The following ITGA6 variants were observed in gnomAD, a reference collection of about 807,000 sequenced individuals.
The protein encoded by ITGA6 is integrin subunit alpha 6.
In ITGA6, 63 loss-of-function variants were observed where a neutral mutation model predicts 133.6. That is an observed-to-expected ratio of 0.47 (90% confidence interval 0.38 to 0.58). ITGA6 has a LOEUF of 0.58. Ranked by LOEUF, ITGA6 falls within the 20% of genes least tolerant of loss-of-function variation. ITGA6 has a pLI of 0.00. For missense variants in ITGA6, 1,068 were observed against 1,309.4 expected, an observed-to-expected ratio of 0.82 and a Z score of 2.85; for synonymous variants, 434 against 482.0, an observed-to-expected ratio of 0.90 and a Z score of 1.30.
chr2:172,480,664 G>A (rs1686402848), intron 11 of ITGA6, among the ~76,000 whole-genome samples: 1 of 152,158 alleles, frequency 6.6e-6, no homozygotes, highest in South Asian at 2.1e-4. Context: ...TTGCTTTCCT[G>A]TCCGTTCAGA....
chr2:172,470,047 CATG>C (rs1425859549), intron 4 of ITGA6, among the ~76,000 whole-genome samples: 10 of 152,136 alleles, frequency 6.6e-5, no homozygotes, highest in Non-Finnish European at 1.3e-4. Context: ...AACTCTCATC[CATG>C]ATGAAGAGAA....
At chr2:172,446,670 CG>C (rs766972165) in intron 1 of ITGA6, among the ~76,000 whole-genome samples, 7 of 152,238 alleles carry the variant, frequency 4.6e-5, no homozygotes, top group Admixed American at 1.3e-4. Context: ...ACTGATAAGT[CG>C]GGTATCTGGT....
intron 6 of ITGA6, 87 bp downstream of exon 6, chr2:172,474,352 G>A: frequency 2.6e-6 from 3 of 1,141,822 alleles, no homozygotes; most frequent in Middle Eastern, 2.7e-4. Context: ...GTCCTTTCAG[G>A]TTCATTGACG....
intron 7 of ITGA6, 65 bp downstream of exon 7, chr2:172,475,187 G>T (rs144532513): frequency 8.9e-7 from 1 of 1,122,836 alleles, no homozygotes; most frequent in African/African-American, 1.5e-5. Flanking sequence ...TAATAGCGCT[G>T]CTGGGCACAG....
At position 172,505,232 on chromosome 2, in the gene ITGA6, A is replaced by G. The variant is rs1286104001; in HGVS notation, c.*1164A>G. On this transcript the variant is annotated 3_prime_UTR_variant, in exon 26 of 26. Transcript: ENST00000684293. ...AGCCTGCATAATGTTTCTGGATTTCATACTGTAACATTCAGGAATTCTTGG... is the reference window on the plus strand; with the variant it reads ...AGCCTGCATAATGTTTCTGGATTTCGTACTGTAACATTCAGGAATTCTTGG... The G allele has an allele frequency of 6.6e-6, 1 of 152,432 alleles. No individual in the cohort carries two copies. The highest frequency in any genetic ancestry group is 6.5e-5 in the Admixed American group (1 of 15,292). 9.4% of individuals were successfully genotyped at this position (152,432 alleles called of 1,614,324 possible). A position where few individuals can be genotyped will look rare whatever the true frequency, so the allele number is the denominator to read the frequency against.
chr2:172,452,741 T>C (rs967608213), intron 1 of ITGA6, among the ~76,000 whole-genome samples: 7 of 152,240 alleles, frequency 4.6e-5, no homozygotes, highest in African/African-American at 1.7e-4. Context: ...AAAACCCATA[T>C]TAATGGACTC....
In ITGA6 at chr2:172,469,156, A is replaced by C. The variant is rs750929273; in HGVS notation, c.419A>C (p.His140Pro). The C allele has an allele frequency of 1.2e-6, 2 of 1,614,170 alleles. No homozygotes were observed. The highest frequency in any genetic ancestry group is 2.2e-5 in the South Asian group (2 of 91,078). ...TCAHRYEKRQ[H>P]VNTKQESRDI... ...GCTCACCGATATGAAAAAAGGCAGC[A>C]TGTTAATACGAAGCAGGAATCCCGA... is the stretch of plus-strand genomic sequence containing the variant. Residue 140 changes from histidine to proline, a missense_variant, in exon 4 of 26, where the codon CAT (histidine) becomes CCT (proline). Coordinates refer to ENST00000684293, the MANE Select transcript of ITGA6 (RefSeq NM_000210.4).
At chr2:172,482,449 T>A (rs982677009) in intron 11 of ITGA6, among the ~76,000 whole-genome samples, 1 of 152,168 alleles carries the variant, frequency 6.6e-6, no homozygotes, top group Non-Finnish European at 1.5e-5. Flanking sequence ...CATATAGATA[T>A]CTATAATTGA....
intron 11 of ITGA6, among the ~76,000 whole-genome samples, chr2:172,482,230 A>G (rs1335324780): frequency 6.6e-6 from 1 of 152,226 alleles, no homozygotes; most frequent in Non-Finnish European, 1.5e-5. Flanking sequence ...ATGGCCTTTT[A>G]TGGGTGGAAC....
intron 4 of ITGA6, among the ~76,000 whole-genome samples, chr2:172,470,440 A>T (rs1685869904): frequency 6.6e-6 from 1 of 152,132 alleles, no homozygotes; most frequent in Non-Finnish European, 1.5e-5. Flanking sequence ...TGCTTTATAA[A>T]CCTGACCTAA....
intron 1 of ITGA6, among the ~76,000 whole-genome samples, chr2:172,436,530 C>T (rs559594730): frequency 6.6e-6 from 1 of 152,272 alleles, no homozygotes; most frequent in South Asian, 2.1e-4. Flanking sequence ...GCAGCCATGC[C>T]AGAAGCCAGC....
intron 3 of ITGA6, among the ~76,000 whole-genome samples, chr2:172,468,352 T>A (rs1685772376): frequency 6.6e-6 from 1 of 152,196 alleles, no homozygotes. Context: ...GATCTTTTTG[T>A]CTCCTTCAAA....
intron 3 of ITGA6, among the ~76,000 whole-genome samples, chr2:172,468,737 C>A (rs1163688701): frequency 6.6e-6 from 1 of 152,146 alleles, no homozygotes. Context: ...ACATAATTAC[C>A]CACTTTCACA....
intron 5 of ITGA6, among the ~76,000 whole-genome samples, chr2:172,472,377 C>A (rs1685979182): frequency 6.6e-6 from 1 of 152,338 alleles, no homozygotes; most frequent in African/African-American, 2.4e-5. Flanking sequence ...TGTAATTGCA[C>A]TGGCCAAGAA....
At chr2:172,444,146 T>C (rs970357785) in intron 1 of ITGA6, among the ~76,000 whole-genome samples, 2 of 152,200 alleles carry the variant, frequency 1.3e-5, no homozygotes, top group East Asian at 3.9e-4. Context: ...TAATCCATAG[T>C]GATACTCAGC....
At position 172,491,400 on chromosome 2, in the gene ITGA6, T is replaced by C; in HGVS notation, c.2890-25T>C. The C allele has an allele frequency of 3.1e-6, 5 of 1,589,018 alleles. No homozygotes were observed. Among genetic ancestry groups the C allele is most frequent in the Non-Finnish European group, 4.3e-6 (5 of 1,157,106 alleles). On this transcript the variant is annotated intron_variant, in intron 22 of 25. Coordinates refer to ENST00000684293, the MANE Select transcript of ITGA6 (RefSeq NM_000210.4). This position sits in a 1 kb window ranked among gnomAD's most constrained non-coding sequence, Gnocchi z 4.4. ...TTGCCTAGGACACTTTTCACTTCCC[T>C]AATGCATTCACTGTCTCCAAACAGG...
chr2:172,465,783 G>A, intron 2 of ITGA6, 120 bp downstream of exon 2: 2 of 1,324,538 alleles, frequency 1.5e-6, no homozygotes, highest in East Asian at 2.3e-5. Flanking sequence ...AATTGCATCA[G>A]ACTTGACTGT....
intron 1 of ITGA6, among the ~76,000 whole-genome samples, chr2:172,458,647 G>C (rs542687368): frequency 1.3e-5 from 2 of 152,180 alleles, no homozygotes; most frequent in Non-Finnish European, 2.9e-5. Context: ...CTCAGGGTGA[G>C]AGCGAGCCAG....
intron 1 of ITGA6, among the ~76,000 whole-genome samples, chr2:172,440,616 G>A (rs902641022): frequency 1.3e-5 from 2 of 152,092 alleles, no homozygotes. Context: ...GAAATTTAAA[G>A]TTTAACATAT....
Sources: allele counts gnomAD v4.1 joint callset (sites outside exome capture counted in the v4.1 genomes callset), GRCh38; gene constraint gnomAD v4.1.1; non-coding constraint Gnocchi (gnomAD v3.1); transcripts MANE v1.5; gene names NCBI Gene and HGNC (gene_info 2026-07-23, HGNC 2026-07-21).